WDR70: variants seen among roughly 807,000 people sequenced by gnomAD.
WDR70 encodes WD repeat-containing protein 70.
In WDR70, 53 loss-of-function variants were observed where a neutral mutation model predicts 88.6. That is an observed-to-expected ratio of 0.60 (90% CI 0.48 to 0.75). The LOEUF is 0.75. Ranked by LOEUF, WDR70 falls within the 30% of genes least tolerant of loss-of-function variation. The pLI is 0.00. For missense variants in WDR70, 610 were observed against 823.2 expected, an observed-to-expected ratio of 0.74 and a Z score of 3.17; for synonymous variants, 280 against 270.0, an observed-to-expected ratio of 1.04 and a Z score of -0.36.
chr5:37,455,934 C>T (rs1208137925), intron 7 of WDR70, among the ~76,000 whole-genome samples: 1 of 152,016 alleles, frequency 6.6e-6, no homozygotes, highest in Non-Finnish European at 1.5e-5. Flanking sequence ...TAGTTTTGTT[C>T]CCTTTTATAG....
At chr5:37,381,416 T>C (rs2111840556) in intron 2 of WDR70, among the ~76,000 whole-genome samples, 186 bp from the exon 3 acceptor site, 1 of 152,342 alleles carries the variant, frequency 6.6e-6, no homozygotes, top group South Asian at 2.1e-4. Flanking sequence ...TTAATAGTAC[T>C]TAGTGAAGGG....
chr5:37,649,927 C>T (rs888954187), intron 10 of WDR70, among the ~76,000 whole-genome samples: 3 of 141,252 alleles, frequency 2.1e-5, no homozygotes, highest in Non-Finnish European at 3.1e-5. Flanking sequence ...TTAGTAGAGG[C>T]GGGGTTTCAC....
At chr5:37,686,543 A>C (rs1333731497) in intron 10 of WDR70, among the ~76,000 whole-genome samples, 2 of 150,552 alleles carry the variant, frequency 1.3e-5, no homozygotes, top group East Asian at 2.0e-4. Context: ...GCTGGGCAAC[A>C]AACTGAGACC....
intron 9 of WDR70, among the ~76,000 whole-genome samples, chr5:37,517,586 C>G (rs891722938): frequency 9.2e-5 from 14 of 151,992 alleles, no homozygotes; most frequent in Middle Eastern, 3.4e-3. Context: ...AGGCTGGTCT[C>G]GAACTCCTGA....
At chr5:37,419,010 C>T (rs772527621) in intron 5 of WDR70, among the ~76,000 whole-genome samples, 5 of 151,546 alleles carry the variant, frequency 3.3e-5, no homozygotes, top group Non-Finnish European at 7.4e-5. Flanking sequence ...GGGATCTGCC[C>T]GCCTTGGCCT....
intron 7 of WDR70, among the ~76,000 whole-genome samples, chr5:37,456,142 G>T (rs1400180427): frequency 1.3e-5 from 2 of 152,166 alleles, no homozygotes; most frequent in African/African-American, 4.8e-5. Flanking sequence ...TTTGTCAGAT[G>T]ATATGTGAGT....
chr5:37,620,945 G>A (rs1376248592), intron 10 of WDR70, among the ~76,000 whole-genome samples: 4 of 152,124 alleles, frequency 2.6e-5, no homozygotes, highest in Non-Finnish European at 5.9e-5. Context: ...AAGAGGGGCT[G>A]CAGAGATTTA....
intron 10 of WDR70, among the ~76,000 whole-genome samples, chr5:37,663,665 T>C (rs1041323406): frequency 5.9e-5 from 9 of 152,252 alleles, no homozygotes; most frequent in African/African-American, 1.9e-4. Context: ...CTTGGAAAAA[T>C]AGGGACAATA....
intron 9 of WDR70, among the ~76,000 whole-genome samples, chr5:37,523,871 A>G (rs1741175807): frequency 6.6e-6 from 1 of 152,226 alleles, no homozygotes; most frequent in African/African-American, 2.4e-5. Flanking sequence ...ACTGGAATAA[A>G]GGGTATCAGT....
intron 9 of WDR70, among the ~76,000 whole-genome samples, chr5:37,578,901 A>T (rs1296593642): frequency 6.6e-6 from 1 of 152,224 alleles, no homozygotes; most frequent in East Asian, 1.9e-4. Flanking sequence ...TCTCTTCCAC[A>T]TGTTGTGTTC....
intron 9 of WDR70, among the ~76,000 whole-genome samples, chr5:37,551,378 C>T (rs1742140264): frequency 6.6e-6 from 1 of 151,814 alleles, no homozygotes; most frequent in African/African-American, 2.4e-5. Flanking sequence ...AGTCCCCTAG[C>T]TTTTTAACTT....
intron 15 of WDR70, 94 bp from the exon 16 acceptor site, chr5:37,724,840 T>G: frequency 2.6e-6 from 3 of 1,170,274 alleles, no homozygotes; most frequent in Non-Finnish European, 2.5e-6. Context: ...CATTATGACT[T>G]CCATTTCATC....
chr5:37,699,982 A>C (rs999075083), intron 11 of WDR70, among the ~76,000 whole-genome samples: 15 of 152,112 alleles, frequency 9.9e-5, no homozygotes, highest in Non-Finnish European at 1.6e-4. Flanking sequence ...AAACAAAAAA[A>C]AAAACAGACT....
chr5:37,415,615 A>ACCC (rs529270924), intron 5 of WDR70, among the ~76,000 whole-genome samples: 1 of 115,672 alleles, frequency 8.6e-6, no homozygotes. Flanking sequence ...CGAGGGGCTG[A>ACCC]CCCCCCCCAC....
At chr5:37,397,327 G>A (rs1472727640) in intron 5 of WDR70, among the ~76,000 whole-genome samples, 1 of 152,100 alleles carries the variant, frequency 6.6e-6, no homozygotes, top group Non-Finnish European at 1.5e-5. Flanking sequence ...TATGCGGCTG[G>A]GTGTGGTGGC....
At chr5:37,524,329 C>T (rs559850525) in intron 9 of WDR70, among the ~76,000 whole-genome samples, 50 of 152,310 alleles carry the variant, frequency 3.3e-4, no homozygotes, top group Non-Finnish European at 6.6e-4. Context: ...CAATATTCAA[C>T]ATTCTTAAAG....
Position 37,752,614 on chromosome 5 carries a change from A to T in WDR70, c.*41A>T. 2 of 1,435,076 alleles carry T rather than the reference A, an allele frequency of 1.4e-6. No homozygotes were observed. The highest frequency in any genetic ancestry group is 1.9e-6 in the Non-Finnish European group (2 of 1,034,308). 88.9% of individuals were successfully genotyped at this position (1,435,076 alleles called of 1,614,324 possible). A position where few individuals can be genotyped will look rare whatever the true frequency, so the allele number is the denominator to read the frequency against. Reference sequence around the variant, plus strand: ...AGCTGTTTGCATGAGTGGGAGGGGTATGGGACAGGTTTGGGTTTTTTTTTT... The same window carrying T: ...AGCTGTTTGCATGAGTGGGAGGGGTTTGGGACAGGTTTGGGTTTTTTTTTT... On this transcript the variant is annotated 3_prime_UTR_variant, in exon 18 of 18. Coordinates refer to ENST00000265107, the MANE Select transcript of WDR70 (RefSeq NM_018034.4).
intron 9 of WDR70, among the ~76,000 whole-genome samples, chr5:37,530,483 T>C (rs894156034): frequency 6.6e-6 from 1 of 152,082 alleles, no homozygotes; most frequent in African/African-American, 2.4e-5. Flanking sequence ...GTCTCGCTGC[T>C]TATTATTGGT....
intron 3 of WDR70, among the ~76,000 whole-genome samples, chr5:37,385,668 C>T (rs1195920292): frequency 1.3e-5 from 2 of 151,872 alleles, no homozygotes; most frequent in Non-Finnish European, 2.9e-5. Flanking sequence ...GGGTCCAGCA[C>T]TAAGTCACTT....
Sources: gnomAD v4.1 joint callset for allele counts (sites outside exome capture counted in the v4.1 genomes callset) on GRCh38, gnomAD v4.1.1 for gene constraint, MANE v1.5 for transcripts, NCBI Gene and HGNC (gene_info 2026-07-23, HGNC 2026-07-21) for gene names.